The following TOPAZ1 variants were observed in gnomAD, a reference collection of about 807,000 sequenced individuals.
The protein encoded by TOPAZ1 is testis and ovary specific TOPAZ 1, also known as protein TOPAZ1.
In TOPAZ1, 66 loss-of-function variants were observed where a neutral mutation model predicts 172.2. That is an observed-to-expected ratio of 0.38 (90% confidence interval 0.31 to 0.47). The LOEUF (loss-of-function observed/expected upper bound fraction) is 0.47, where lower values mean the gene tolerates loss of function less well. Among genes scored for constraint, TOPAZ1 ranks in the 20% least tolerant of loss-of-function variants. The pLI is 0.99. For synonymous variants in TOPAZ1, 681 were observed against 683.9 expected, an observed-to-expected ratio of 1.00 and a Z score of 0.07; for missense variants, 1,822 against 1,972.4, an observed-to-expected ratio of 0.92 and a Z score of 1.44.
At chr3:44,319,908 C>T (rs1464367802) in intron 16 of TOPAZ1, among the ~76,000 whole-genome samples, 2 of 152,158 alleles carry the variant, frequency 1.3e-5, no homozygotes, top group Non-Finnish European at 2.9e-5. Context: ...AAAAGGATTA[C>T]TTCTACATTT....
intron 4 of TOPAZ1, among the ~76,000 whole-genome samples, chr3:44,257,716 A>G (rs563146504): frequency 3.3e-4 from 50 of 152,038 alleles, no homozygotes; most frequent in Non-Finnish European, 6.2e-4. Flanking sequence ...GCCTTTACCT[A>G]GTTTTCCCCT....
Position 44,317,730 on chromosome 3 carries a change from A to G in TOPAZ1, c.4307-3297A>G, listed in dbSNP as rs138074906. ...ATTTCCCAAATATGAAATAGAGAAAAACATGAAGATGAATGCTATAACAAC... is the reference window on the plus strand; with the variant it reads ...ATTTCCCAAATATGAAATAGAGAAAGACATGAAGATGAATGCTATAACAAC... On this transcript the variant is annotated intron_variant, in intron 16 of 19. Coordinates refer to ENST00000309765, the MANE Select transcript of TOPAZ1 (RefSeq NM_001145030.2). Among the ~76,000 whole-genome samples the G allele has an allele frequency of 2.1e-3, 313 of 152,328 alleles. 1 individual carries two copies. Among genetic ancestry groups the G allele is most frequent in the African/African-American group, 6.4e-3 (265 of 41,578 alleles).
rs116399476 is a variant in TOPAZ1 at position 44,291,018 on chromosome 3, C to A, written c.3797+132C>A. The A allele has an allele frequency of 1.0e-3, 570 of 557,214 alleles. 3 individuals are homozygous for A. The African/African-American group carries it at 0.01, about 10-fold the overall frequency. 34.5% of individuals were successfully genotyped at this position (557,214 alleles called of 1,614,324 possible). ...ATAGTGGCCTGTCATAAACCCTTCTCCTGTCTCTTGGCTGTGCCCTACTTT... is the reference window on the plus strand; with the variant it reads ...ATAGTGGCCTGTCATAAACCCTTCTACTGTCTCTTGGCTGTGCCCTACTTT... On this transcript the variant is annotated intron_variant, in intron 12 of 19. Transcript: ENST00000309765.
intron 2 of TOPAZ1, 128 bp from the exon 3 acceptor site, chr3:44,254,840 T>A: frequency 3.5e-6 from 2 of 570,382 alleles, no homozygotes; most frequent in Non-Finnish European, 6.1e-6. Flanking sequence ...TTATAGTAAG[T>A]ACTCTGCCCT....
chr3:44,313,875 A>G (rs965917580), intron 16 of TOPAZ1, among the ~76,000 whole-genome samples: 2 of 152,132 alleles, frequency 1.3e-5, no homozygotes, highest in African/African-American at 4.8e-5. Context: ...AGACTATAAA[A>G]GTCCTCTACA....
intron 5 of TOPAZ1, among the ~76,000 whole-genome samples, chr3:44,265,489 G>A (rs1015315270): frequency 1.3e-5 from 2 of 152,182 alleles, no homozygotes; most frequent in African/African-American, 2.4e-5. Flanking sequence ...CCAGGAGGGG[G>A]AGGTTGTAGT....
At chr3:44,287,352 C>T in intron 9 of TOPAZ1, 37 bp from the exon 10 acceptor site, 2 of 1,178,878 alleles carry the variant, frequency 1.7e-6, no homozygotes, top group Non-Finnish European at 1.1e-6. Context: ...ATATCTGAAG[C>T]AGCAAATGAC....
chr3:44,333,900 A>C (rs1341478582), downstream of TOPAZ1, among the ~76,000 whole-genome samples: 1 of 152,252 alleles, frequency 6.6e-6, no homozygotes, highest in African/African-American at 2.4e-5. Context: ...AGCTCGCCAC[A>C]GGAGATTTTT....
intron 8 of TOPAZ1, among the ~76,000 whole-genome samples, chr3:44,272,061 A>G (rs1221222067): frequency 1.3e-5 from 2 of 152,162 alleles, no homozygotes; most frequent in African/African-American, 4.8e-5. Context: ...TATCTGTGTT[A>G]TGGTGACAAA....
downstream of TOPAZ1, among the ~76,000 whole-genome samples, chr3:44,334,118 C>T (rs1484304785): frequency 6.6e-6 from 1 of 152,078 alleles, no homozygotes; most frequent in South Asian, 2.1e-4. Flanking sequence ...AAGCCTGGTA[C>T]CAGATGCCAG....
chr3:44,274,471 A>G (rs1342375250), intron 8 of TOPAZ1, among the ~76,000 whole-genome samples: 1 of 152,082 alleles, frequency 6.6e-6, no homozygotes, highest in Admixed American at 6.6e-5. Context: ...AAGAAACATA[A>G]TAATAATAAC....
chr3:44,264,985 T>C (rs949806922), intron 5 of TOPAZ1, among the ~76,000 whole-genome samples: 4 of 152,184 alleles, frequency 2.6e-5, no homozygotes, highest in African/African-American at 9.6e-5. Flanking sequence ...AACTAAAGTG[T>C]TTAACCCCTG....
At chr3:44,273,500 G>A (rs1343901721) in intron 8 of TOPAZ1, among the ~76,000 whole-genome samples, 3 of 152,036 alleles carry the variant, frequency 2.0e-5, no homozygotes, top group African/African-American at 4.8e-5. Flanking sequence ...GAATTAATCT[G>A]GTCAATAATA....
chr3:44,277,439 A>C (rs971279568), intron 8 of TOPAZ1, among the ~76,000 whole-genome samples: 2 of 152,198 alleles, frequency 1.3e-5, no homozygotes, highest in African/African-American at 2.4e-5. Context: ...TAATTAGCAA[A>C]GAGTGACAAT....
intron 17 of TOPAZ1, among the ~76,000 whole-genome samples, chr3:44,322,797 A>G (rs1356390868): frequency 6.6e-6 from 1 of 152,176 alleles, no homozygotes; most frequent in Non-Finnish European, 1.5e-5. Flanking sequence ...GTGGACCTGT[A>G]GTCCAAGCTA....
chr3:44,268,927 T>G lies in TOPAZ1; in HGVS notation c.3161-289T>G, dbSNP rs565093863. ...TTTGTCTATTTAACTTAGAGACATA[T>G]CATTTGAATACAGTGCCCAATGCTG... On this transcript the variant is annotated intron_variant, in intron 6 of 19. Coordinates refer to ENST00000309765, the MANE Select transcript of TOPAZ1 (RefSeq NM_001145030.2). Among the ~76,000 whole-genome samples the G allele has an allele frequency of 1.6e-4, 25 of 152,346 alleles. No individual in the cohort carries two copies. In the South Asian group the frequency reaches 5.2e-3, roughly 32 times the overall value.
At chr3:44,307,798 TAGGTCTCC>T (rs1299288776) in intron 15 of TOPAZ1, among the ~76,000 whole-genome samples, 2 of 152,128 alleles carry the variant, frequency 1.3e-5, no homozygotes, top group Non-Finnish European at 2.9e-5. Flanking sequence ...GGTTGTATAG[TAGGTCTCC>T]AGGCTCAAAA....
chr3:44,276,634 T>C (rs1699961889), intron 8 of TOPAZ1, among the ~76,000 whole-genome samples: 1 of 118,680 alleles, frequency 8.4e-6, no homozygotes, highest in African/African-American at 3.1e-5. Flanking sequence ...CTTTTTTTTT[T>C]TTTTTTTTTT....
chr3:44,334,621 G>A (rs1700704780), downstream of TOPAZ1, among the ~76,000 whole-genome samples: 1 of 152,072 alleles, frequency 6.6e-6, no homozygotes, highest in African/African-American at 2.4e-5. Context: ...ATTAGAGGAA[G>A]AATAATGAGG....
Sources: allele counts gnomAD v4.1 joint callset (sites outside exome capture counted in the v4.1 genomes callset), GRCh38; gene constraint gnomAD v4.1.1; transcripts MANE v1.5; gene names NCBI Gene and HGNC (gene_info 2026-07-23, HGNC 2026-07-21).